LIPI: variants seen among roughly 807,000 people sequenced by gnomAD.
LIPI encodes the protein lipase member I.
A neutral mutation model predicts 50.6 loss-of-function variants in LIPI; 59 were observed. The ratio of observed to expected loss-of-function variants is 1.16; its 90% CI spans 0.94 to 1.45. LIPI has a LOEUF of 1.45. LIPI is among the 40% of genes most tolerant of loss of function. The pLI, the probability that LIPI is intolerant of heterozygous loss-of-function variation, is 0.00. For synonymous variants in LIPI, 203 were observed against 178.2 expected, an observed-to-expected ratio of 1.14 and a Z score of -1.11; for missense variants, 586 against 536.3, an observed-to-expected ratio of 1.09 and a Z score of -0.92.
intron 7 of LIPI, among the ~76,000 whole-genome samples, chr21:14,159,735 A>T (rs1254021363): frequency 6.6e-6 from 1 of 151,454 alleles, no homozygotes; most frequent in Non-Finnish European, 1.5e-5. Flanking sequence ...GCTTACATAG[A>T]AAATTCCAAT....
intron 9 of LIPI, among the ~76,000 whole-genome samples, chr21:14,133,721 G>A (rs1319496213): frequency 6.6e-6 from 1 of 152,096 alleles, no homozygotes; most frequent in Non-Finnish European, 1.5e-5. Flanking sequence ...CTTATATCTT[G>A]AAAACCCTAA....
intron 9 of LIPI, among the ~76,000 whole-genome samples, chr21:14,117,736 C>T (rs1370235083): frequency 6.6e-6 from 1 of 151,996 alleles, no homozygotes; most frequent in Non-Finnish European, 1.5e-5. Context: ...GAGTGAAGCA[C>T]AAAATGATAT....
intron 9 of LIPI, among the ~76,000 whole-genome samples, chr21:14,113,794 G>A (rs1024504056): frequency 6.6e-5 from 10 of 152,302 alleles, no homozygotes; most frequent in Middle Eastern, 3.4e-3. Flanking sequence ...GCATGGCTTG[G>A]AAGGCCTCAG....
At chr21:14,153,067 C>A (rs1289623740) in intron 7 of LIPI, among the ~76,000 whole-genome samples, 1 of 152,134 alleles carries the variant, frequency 6.6e-6, no homozygotes, top group Non-Finnish European at 1.5e-5. Context: ...TCTTAATTAT[C>A]TGATTAATAG....
intron 9 of LIPI, among the ~76,000 whole-genome samples, chr21:14,123,591 G>A (rs2016943014): frequency 6.6e-6 from 1 of 152,138 alleles, no homozygotes. Context: ...CTGTAGAAAA[G>A]ATAAACACAA....
chr21:14,115,185 C>T (rs2016577844), intron 9 of LIPI, among the ~76,000 whole-genome samples: 2 of 152,132 alleles, frequency 1.3e-5, no homozygotes. Flanking sequence ...CAAGCCTTAC[C>T]TACTTGCTAA....
Position 14,167,155 on chromosome 21 carries a change from G to T in LIPI, c.644-704C>A, listed in dbSNP as rs575358991. Among the ~76,000 whole-genome samples the T allele has an allele frequency of 5.3e-5, 8 of 152,228 alleles. No individual in the cohort carries two copies. The South Asian group carries it at 1.4e-3, about 28-fold the overall frequency. On this transcript the variant is annotated intron_variant, in intron 4 of 9. Transcript: ENST00000681601. ...CAAACTGCAAGGCGGCAGCAAGGCT[G>T]GGGGAGGGGTGCCTGCCATTGCCCA...
At chr21:14,151,998 G>A (rs1000086720) in intron 8 of LIPI, among the ~76,000 whole-genome samples, 5 of 151,818 alleles carry the variant, frequency 3.3e-5, no homozygotes, top group Non-Finnish European at 7.4e-5. Context: ...AAGGCAATAT[G>A]GTTAGGAAAA....
intron 1 of LIPI, among the ~76,000 whole-genome samples, chr21:14,207,539 G>A (rs1235945949): frequency 6.6e-6 from 1 of 152,058 alleles, no homozygotes; most frequent in South Asian, 2.1e-4. Context: ...AATAAAGTAG[G>A]TGTCTAACAA....
intron 3 of LIPI, among the ~76,000 whole-genome samples, chr21:14,185,742 G>A (rs895215071): frequency 6.6e-6 from 1 of 151,970 alleles, no homozygotes; most frequent in East Asian, 1.9e-4. Context: ...TAGCCGGTGT[G>A]GTAGTGAGTG....
intron 1 of LIPI, among the ~76,000 whole-genome samples, chr21:14,193,809 T>C (rs2019756624): frequency 6.6e-6 from 1 of 152,078 alleles, no homozygotes. Context: ...GTAAAACTTT[T>C]ATGCATCAAA....
At chr21:14,136,274 C>T (rs891257820) in intron 9 of LIPI, among the ~76,000 whole-genome samples, 1 of 152,156 alleles carries the variant, frequency 6.6e-6, no homozygotes, top group Non-Finnish European at 1.5e-5. Context: ...GTGGGGTTCA[C>T]AATTCCAGGA....
chr21:14,143,494 T>G (rs1334816218), intron 9 of LIPI: 2 of 152,144 alleles, frequency 1.3e-5, no homozygotes, highest in African/African-American at 4.8e-5. Flanking sequence ...TTATTTTTAT[T>G]TTTACTCTCC....
chr21:14,127,464 C>A lies in LIPI; in HGVS notation c.1295+17159G>T, dbSNP rs547181108. 1.2e-4 allele frequency among the ~76,000 whole-genome samples: 19 copies of A among 152,204 alleles called. 2 individuals carry two copies. The highest frequency in any genetic ancestry group is 1.2e-3 in the South Asian group (6 of 4,826). On this transcript the variant is annotated intron_variant, in intron 9 of 9. Coordinates refer to ENST00000681601, the MANE Select transcript of LIPI (RefSeq NM_001302998.2). ...TCCCCAGAGTAGAAACAATTGCATC[C>A]AGATTTCATACATTTAATAAATTTT...
chr21:14,189,415 A>G lies in LIPI; in HGVS notation c.51T>C (p.Asn17=), dbSNP rs566558758. Residue 17 remains asparagine (N), a synonymous_variant, in exon 2 of 10, where the codon AAT becomes AAC. Coordinates refer to ENST00000681601, the MANE Select transcript of LIPI (RefSeq NM_001302998.2). The part of the protein sequence containing the change: ...LCLMCWVRSD[N]KRPCLEFSQL... The stretch of plus-strand genomic sequence containing the variant: ...GAGAGAATTCAAGGCATGGTCTTTT[A>G]TTATCTGAAATAAGAAAATGTCAGT... 6.2e-7 allele frequency: 1 copy of G among 1,612,040 alleles called. No individual in the cohort carries two copies. The highest frequency in any genetic ancestry group is 8.5e-7 in the Non-Finnish European group (1 of 1,178,374).
chr21:14,175,406 A>G (rs1326897321), intron 4 of LIPI, among the ~76,000 whole-genome samples: 1 of 152,142 alleles, frequency 6.6e-6, no homozygotes, highest in Non-Finnish European at 1.5e-5. Context: ...TATCCTTCAT[A>G]ATGTCCTGAC....
In LIPI at chr21:14,144,669, A is replaced by T; in HGVS notation, c.1249T>A (p.Tyr417Asn). ...SSNLQCSTCTYKIQSLMLKSL... is the reference protein window; with the variant it reads ...SSNLQCSTCTNKIQSLMLKSL... ...TTTAACATGAGACTCTGGATCTTGT[A>T]TGTGCATGTGGAACACTGCAGATTT... The change falls in exon 9 of 10, where the codon TAC (tyrosine) becomes AAC (asparagine). Residue 417 changes from tyrosine (Y) to asparagine (N), a missense_variant. Tyr to Asn is a moderately radical substitution (Grantham distance 143). Transcript: ENST00000681601. 1 of 1,582,040 alleles carries T rather than the reference A, an allele frequency of 6.3e-7. No homozygotes were observed. Among genetic ancestry groups the T allele is most frequent in the South Asian group, 1.1e-5 (1 of 90,024 alleles).
At chr21:14,121,318 TGAA>T (rs1399299391) in intron 9 of LIPI, among the ~76,000 whole-genome samples, 3 of 152,234 alleles carry the variant, frequency 2.0e-5, no homozygotes, top group African/African-American at 7.2e-5. Context: ...AAACAACTGT[TGAA>T]GAAGTTTTGC....
At chr21:14,181,175 C>T (rs989175738) in intron 4 of LIPI, among the ~76,000 whole-genome samples, 4 of 152,122 alleles carry the variant, frequency 2.6e-5, no homozygotes, top group Non-Finnish European at 5.9e-5. Flanking sequence ...TTAGTATCAA[C>T]AAATTCAAAT....
Sources: allele counts gnomAD v4.1 joint callset (sites outside exome capture counted in the v4.1 genomes callset), GRCh38; gene constraint gnomAD v4.1.1; transcripts MANE v1.5; gene names NCBI Gene and HGNC (gene_info 2026-07-23, HGNC 2026-07-21).